Variants in MYO9A observed in about 807,000 individuals in gnomAD.
The protein encoded by MYO9A is unconventional myosin-IXa.
MYO9A carries 103 observed loss-of-function variants against 293.3 expected under a neutral mutation model. That is an observed-to-expected ratio of 0.35 (90% confidence interval 0.30 to 0.41). The LOEUF is 0.41. Among genes scored for constraint, MYO9A ranks in the 10% least tolerant of loss-of-function variants. The probability of loss-of-function intolerance (pLI) is 1.00; values close to 1 mark genes in which losing one functional copy is unlikely to be tolerated. For synonymous variants in MYO9A, 1,001 were observed against 1,035.7 expected (o/e 0.97, Z 0.64); for missense variants, 2,685 against 3,033.0 (o/e 0.89, Z 2.69).
intron 1 of MYO9A, among the ~76,000 whole-genome samples, chr15:72,050,606 C>CTAAA (rs529684715): frequency 1.2e-3 from 180 of 151,836 alleles, no homozygotes; most frequent in Admixed American, 3.6e-3. Flanking sequence ...GACTCCGTCT[C>CTAAA]TAAATAAATA....
chr15:71,866,017 C>T (rs1483280666), intron 32 of MYO9A, among the ~76,000 whole-genome samples: 2 of 152,200 alleles, frequency 1.3e-5, no homozygotes, highest in Non-Finnish European at 1.5e-5. Flanking sequence ...TAAAGCTTCT[C>T]TATTTTTCTT....
intron 6 of MYO9A, among the ~76,000 whole-genome samples, chr15:72,013,006 A>T (rs2077219797): frequency 6.6e-6 from 1 of 152,238 alleles, no homozygotes; most frequent in African/African-American, 2.4e-5. Context: ...TTCTCTGATG[A>T]TAACTGTAGA....
chr15:71,886,422 G>T (rs1205715818), intron 27 of MYO9A, among the ~76,000 whole-genome samples: 2 of 152,014 alleles, frequency 1.3e-5, no homozygotes, highest in Non-Finnish European at 2.9e-5. Context: ...GGGAAATGAA[G>T]AAGGCTGGCA....
At chr15:71,978,051 A>T in intron 12 of MYO9A, 120 bp downstream of exon 12, 1 of 1,173,606 alleles carries the variant, frequency 8.5e-7, no homozygotes. Flanking sequence ...ATAAATAAAA[A>T]AATAAATTGT....
intron 14 of MYO9A, among the ~76,000 whole-genome samples, chr15:71,952,329 C>T (rs1462765906): frequency 6.6e-6 from 1 of 152,138 alleles, no homozygotes; most frequent in Admixed American, 6.5e-5. Flanking sequence ...TTTCACAAAT[C>T]CTGCAATTAA....
rs922342604 is a variant in MYO9A at position 71,916,447 on chromosome 15, G to A, written c.2608C>T (p.Leu870=). The A allele has an allele frequency of 2.8e-5, 45 of 1,613,322 alleles. No individual in the cohort carries two copies. In the Admixed American group the frequency reaches 7.5e-4, roughly 27 times the overall value. Residue 870 remains leucine, a synonymous_variant, in exon 19 of 42, where the codon CTA becomes TTA. Coordinates refer to ENST00000356056, the MANE Select transcript of MYO9A (RefSeq NM_006901.4). ...NSLKHLTRLT[L]QDRITKSLLH... is the part of the protein sequence containing the mutation. ...AGAGACTTGGTAATGCGATCTTGTAGTGTCAGTCTTGTCAGGTGCTTTAAA... is the reference window on the plus strand; with the variant it reads ...AGAGACTTGGTAATGCGATCTTGTAATGTCAGTCTTGTCAGGTGCTTTAAA...
chr15:71,893,840 TAA>T, intron 25 of MYO9A, 62 bp from the exon 26 acceptor site: 1 of 1,318,832 alleles, frequency 7.6e-7, no homozygotes, highest in South Asian at 1.3e-5. Context: ...GCAGCCAGGT[TAA>T]AGACTTCCAG....
intron 12 of MYO9A, 33 bp downstream of exon 12, chr15:71,978,138 G>A: frequency 6.2e-7 from 1 of 1,606,780 alleles, no homozygotes; most frequent in South Asian, 1.1e-5. Context: ...AGCCAAAACA[G>A]CCAATAACAA....
chr15:71,980,839 A>C (rs567373814), intron 11 of MYO9A, among the ~76,000 whole-genome samples: 1 of 152,318 alleles, frequency 6.6e-6, no homozygotes, highest in South Asian at 2.1e-4. Flanking sequence ...CTCTGTCTTA[A>C]AAACAAAAAA....
chr15:72,003,577 G>A (rs1167923081), intron 8 of MYO9A, among the ~76,000 whole-genome samples: 4 of 151,702 alleles, frequency 2.6e-5, no homozygotes, highest in African/African-American at 4.8e-5. Context: ...GGTGGCAGGC[G>A]CCTGTAGTCC....
intron 1 of MYO9A, among the ~76,000 whole-genome samples, chr15:72,104,110 C>G (rs1201878521): frequency 6.6e-6 from 1 of 151,978 alleles, no homozygotes; most frequent in Non-Finnish European, 1.5e-5. Flanking sequence ...TTATCTTTTC[C>G]CAGGCTAGCA....
chr15:71,842,859 C>G (rs79605276), intron 39 of MYO9A, among the ~76,000 whole-genome samples: 1 of 118,328 alleles, frequency 8.5e-6, no homozygotes, highest in African/African-American at 3.3e-5. Context: ...GACTCCACCT[C>G]AAAAAAAAAA....
chr15:72,087,544 G>A (rs2079778241), intron 1 of MYO9A, among the ~76,000 whole-genome samples: 2 of 152,114 alleles, frequency 1.3e-5, no homozygotes, highest in Non-Finnish European at 2.9e-5. Context: ...CGTTTCCCTG[G>A]AGTCACTGGG....
chr15:71,861,545 G>C (rs2056123092), intron 33 of MYO9A, among the ~76,000 whole-genome samples: 1 of 147,498 alleles, frequency 6.8e-6, no homozygotes. Flanking sequence ...AGTAGAAAAA[G>C]TACCTTTTTG....
At chr15:72,072,765 G>C (rs2079233438) in intron 1 of MYO9A, among the ~76,000 whole-genome samples, 1 of 151,958 alleles carries the variant, frequency 6.6e-6, no homozygotes, top group Non-Finnish European at 1.5e-5. Context: ...AGGGGAGGAG[G>C]GAAAGTCTGA....
At chr15:72,011,676 T>C (rs1017784446) in intron 6 of MYO9A, among the ~76,000 whole-genome samples, 13 of 152,170 alleles carry the variant, frequency 8.5e-5, no homozygotes, top group East Asian at 1.9e-4. Flanking sequence ...GTTCCTAAAA[T>C]AGTCAAACAG....
intron 1 of MYO9A, among the ~76,000 whole-genome samples, chr15:72,053,803 A>G (rs1017829681): frequency 6.6e-6 from 1 of 152,236 alleles, no homozygotes; most frequent in African/African-American, 2.4e-5. Context: ...TCCTGAAACT[A>G]AAAGTTAAAA....
chr15:72,066,312 C>A (rs1054557370), intron 1 of MYO9A, among the ~76,000 whole-genome samples: 5 of 151,956 alleles, frequency 3.3e-5, no homozygotes, highest in Non-Finnish European at 7.4e-5. Context: ...CATGGTGAAA[C>A]CCGCCTCTAC....
chr15:71,956,351 A>ATATATATATATATATAT (rs71133937), intron 14 of MYO9A, among the ~76,000 whole-genome samples: 1 of 130,696 alleles, frequency 7.7e-6, no homozygotes, highest in African/African-American at 2.9e-5. Context: ...ATATATATAT[A>ATATATATATATATATAT]AAATACGCCC....
Sources: allele counts gnomAD v4.1 joint callset (sites outside exome capture counted in the v4.1 genomes callset), GRCh38; gene constraint gnomAD v4.1.1; transcripts MANE v1.5; gene names NCBI Gene and HGNC (gene_info 2026-07-23, HGNC 2026-07-21).